The following VWA5A variants were observed in gnomAD, a reference collection of about 807,000 sequenced individuals.
VWA5A encodes von Willebrand factor A domain-containing protein 5A.
Under a neutral mutation model 84.6 loss-of-function variants are expected in VWA5A, and 77 were observed. The ratio of observed to expected loss-of-function variants is 0.91; its 90% CI spans 0.76 to 1.10. The LOEUF (loss-of-function observed/expected upper bound fraction) is 1.10, where lower values mean the gene tolerates loss of function less well. Ranked by LOEUF, VWA5A falls within the 50% of genes least tolerant of loss-of-function variation. VWA5A has a pLI of 0.00. For synonymous variants in VWA5A, 334 were observed against 350.1 expected, an observed-to-expected ratio of 0.95 and a Z score of 0.51; for missense variants, 973 against 963.0, an observed-to-expected ratio of 1.01 and a Z score of -0.14.
In VWA5A at chr11:124,123,796, C is replaced by T. The variant is rs779768366; in HGVS notation, c.1156C>T (p.Pro386Ser). The T allele has an allele frequency of 5.7e-6, 9 of 1,571,254 alleles. No individual in the cohort carries two copies. The highest frequency in any genetic ancestry group is 6.9e-6 in the Non-Finnish European group (8 of 1,163,820). The change falls in exon 10 of 19, where the codon CCC becomes TCC. Residue 386 changes from proline (P) to serine (S), a missense_variant. Transcript: ENST00000456829. ...IYRGPSIPGHPLQLFVFTDGE... is the reference protein window; with the variant it reads ...IYRGPSIPGHSLQLFVFTDGE... ...CAGGGGACCCTCCATCCCAGGCCAC[C>T]CCCTACAGGTAAGAAGTGGAACAGA...
chr11:124,136,953 T>G, intron 14 of VWA5A, 62 bp from the exon 15 acceptor site: 1 of 1,560,084 alleles, frequency 6.4e-7, no homozygotes, highest in Non-Finnish European at 8.6e-7. Flanking sequence ...TTAGGAGCCC[T>G]GAGAAACTGG....
At chr11:124,117,896 C>T (rs2137624526) in intron 4 of VWA5A, 21 bp downstream of exon 4, 1 of 1,613,042 alleles carries the variant, frequency 6.2e-7, no homozygotes, top group Admixed American at 1.7e-5. Context: ...TTACCTCCTC[C>T]CTTCTTATTA....
chr11:124,122,689 A>G (rs1212746822), intron 7 of VWA5A, among the ~76,000 whole-genome samples: 1 of 152,222 alleles, frequency 6.6e-6, no homozygotes, highest in Non-Finnish European at 1.5e-5. Flanking sequence ...GCTGCCAGGA[A>G]ACTAGTAATC....
intron 15 of VWA5A, among the ~76,000 whole-genome samples, chr11:124,137,794 C>T (rs1255634286): frequency 6.6e-6 from 1 of 152,188 alleles, no homozygotes; most frequent in Non-Finnish European, 1.5e-5. Flanking sequence ...TCCCAGTAAT[C>T]ACTTACCTAC....
In VWA5A at chr11:124,123,752, C is replaced by T. The variant is rs1055843183; in HGVS notation, c.1112C>T (p.Ala371Val). The change falls in exon 10 of 19, where the codon GCA becomes GTA. Residue 371 changes from alanine (A) to valine (V), a missense_variant. Coordinates refer to ENST00000456829, the MANE Select transcript of VWA5A (RefSeq NM_001130142.2). The part of the protein sequence containing the change: ...QADLGGTEIL[A>V]PLQNIYRGPS... ...GACCTAGGGGGCACTGAAATCTTGGCACCACTCCAGAACATTTACAGGGGA... is the reference window on the plus strand; with the variant it reads ...GACCTAGGGGGCACTGAAATCTTGGTACCACTCCAGAACATTTACAGGGGA... The T allele has an allele frequency of 6.2e-7, 1 of 1,609,482 alleles. No individual in the cohort carries two copies. The highest frequency in any genetic ancestry group is 8.5e-7 in the Non-Finnish European group (1 of 1,178,124).
intron 4 of VWA5A, 91 bp downstream of exon 4, chr11:124,117,966 A>G: frequency 6.8e-7 from 1 of 1,465,404 alleles, no homozygotes; most frequent in Non-Finnish European, 9.3e-7. Flanking sequence ...TACTAAATGT[A>G]CCTTCACAAA....
intron 11 of VWA5A, 50 bp downstream of exon 11, chr11:124,124,366 CAG>C: frequency 6.2e-7 from 1 of 1,603,038 alleles, no homozygotes; most frequent in Non-Finnish European, 8.5e-7. Context: ...TAGTGACACA[CAG>C]ACTCTAGTGC....
chr11:124,118,717 T>TGAGA lies in VWA5A; in HGVS notation c.645+12_645+15dup. The TGAGA allele has an allele frequency of 6.2e-7, 1 of 1,611,182 alleles. No individual in the cohort carries two copies. ...ACAAGACTTCTGCTCAGGTAGTTAA[T>TGAGA]GAGAGAATACTGCTATTGTCAGTAC... is the stretch of plus-strand genomic sequence containing the variant. On this transcript the variant is annotated intron_variant, in intron 6 of 18. Coordinates refer to ENST00000456829, the MANE Select transcript of VWA5A (RefSeq NM_001130142.2).
chr11:124,141,550 C>T, intron 15 of VWA5A, 48 bp from the exon 16 acceptor site: 1 of 1,605,364 alleles, frequency 6.2e-7, no homozygotes, highest in Non-Finnish European at 8.5e-7. Context: ...CCTTTGCCCA[C>T]TGCAGAGAGC....
chr11:124,123,724 G>A lies in VWA5A; in HGVS notation c.1084G>A (p.Ala362Thr). The A allele has an allele frequency of 6.2e-7, 1 of 1,613,404 alleles. No homozygotes were observed. Among genetic ancestry groups the A allele is most frequent in the Non-Finnish European group, 8.5e-7 (1 of 1,179,742 alleles). ...TCTGGGGAGAGTGAAGCTTATGCAG[G>A]CCGACCTAGGGGGCACTGAAATCTT... ...EALGRVKLMQ[A>T]DLGGTEILAP... Residue 362 changes from alanine to threonine, a missense_variant, in exon 10 of 19, where the codon GCC becomes ACC. Transcript: ENST00000456829.
chr11:124,125,472 A>C (rs1437181219), intron 11 of VWA5A, among the ~76,000 whole-genome samples: 1 of 151,988 alleles, frequency 6.6e-6, no homozygotes, highest in Non-Finnish European at 1.5e-5. Context: ...TTTAGTAGAG[A>C]TGGGGTTTCA....
In VWA5A at chr11:124,119,958, A is replaced by G. The variant is rs567188349; in HGVS notation, c.760+869A>G. ...CTTTTTTATCTAATACATAATTTCT[A>G]TTGATTGATTCATCACAGCTACATG... On this transcript the variant is annotated intron_variant, in intron 7 of 18. Coordinates refer to ENST00000456829, the MANE Select transcript of VWA5A (RefSeq NM_001130142.2). Among the ~76,000 whole-genome samples the G allele has an allele frequency of 1.5e-3, 231 of 152,302 alleles. 1 individual carries two copies. The highest frequency in any genetic ancestry group is 5.2e-3 in the African/African-American group (218 of 41,558).
chr11:124,139,622 G>A (rs1221095378), intron 15 of VWA5A, among the ~76,000 whole-genome samples: 1 of 151,188 alleles, frequency 6.6e-6, no homozygotes, highest in East Asian at 1.9e-4. Context: ...AAACACTAAT[G>A]ACTTTTGTAT....
At position 124,137,000 on chromosome 11, in the gene VWA5A, T is replaced by A; in HGVS notation, c.1626-15T>A. ...CTTTCCCTACATTTCAGTACTTTTT[T>A]TTTTTTCCTTTCAGCCTCACCATTC... On this transcript the variant is annotated splice_polypyrimidine_tract_variant and intron_variant, in intron 14 of 18. Coordinates refer to ENST00000456829, the MANE Select transcript of VWA5A (RefSeq NM_001130142.2). The A allele has an allele frequency of 6.2e-7, 1 of 1,603,332 alleles. No individual in the cohort carries two copies. Among genetic ancestry groups the A allele is most frequent in the African/African-American group, 1.4e-5 (1 of 73,988 alleles).
At chr11:124,128,085 C>G (rs1032968625) in intron 11 of VWA5A, among the ~76,000 whole-genome samples, 1 of 152,102 alleles carries the variant, frequency 6.6e-6, no homozygotes, top group Middle Eastern at 3.2e-3. Flanking sequence ...GAAGTATTTG[C>G]CCATGCCTAT....
At chr11:124,145,783 A>C in intron 18 of VWA5A, 83 bp from the exon 19 acceptor site, 1 of 1,395,106 alleles carries the variant, frequency 7.2e-7, no homozygotes, top group South Asian at 1.3e-5. Context: ...TAAAAGCACA[A>C]CTCAGGGTAG....
At chr11:124,121,383 T>C (rs1237121818) in intron 7 of VWA5A, among the ~76,000 whole-genome samples, 1 of 152,152 alleles carries the variant, frequency 6.6e-6, no homozygotes, top group Non-Finnish European at 1.5e-5. Flanking sequence ...ATCAAGCTTG[T>C]TCAACTCATG....
In VWA5A at chr11:124,146,129, C is replaced by A; in HGVS notation, c.*184C>A. ...ACTTTGGATATGATCTTTCTTTTCCCAACATATGCCCTCAGAAAAGTGACA... is the reference window on the plus strand; with the variant it reads ...ACTTTGGATATGATCTTTCTTTTCCAAACATATGCCCTCAGAAAAGTGACA... On this transcript the variant is annotated 3_prime_UTR_variant, in exon 19 of 19. Coordinates refer to ENST00000456829, the MANE Select transcript of VWA5A (RefSeq NM_001130142.2). The A allele has an allele frequency of 1.8e-6, 1 of 567,534 alleles. No individual in the cohort carries two copies. Among genetic ancestry groups the A allele is most frequent in the Non-Finnish European group, 3.0e-6 (1 of 332,834 alleles). The allele number at this position is 567,534 out of a possible 1,614,324, so 35.2% of individuals were successfully genotyped here. A position where few individuals can be genotyped will look rare whatever the true frequency, so the allele number is the denominator to read the frequency against.
Position 124,118,181 on chromosome 11 carries a change from C to A in VWA5A, c.247-8C>A. 1 of 1,612,358 alleles carries A rather than the reference C, an allele frequency of 6.2e-7. No homozygotes were observed. Among genetic ancestry groups the A allele is most frequent in the Non-Finnish European group, 8.5e-7 (1 of 1,179,166 alleles). Reference sequence around the variant, plus strand: ...TTTCTTTCCCATCCCTCGCCCTGTGCTTCTCAGGCCCGCACCAACTATGAG... The same window carrying A: ...TTTCTTTCCCATCCCTCGCCCTGTGATTCTCAGGCCCGCACCAACTATGAG... On this transcript the variant is annotated splice_region_variant and splice_polypyrimidine_tract_variant and intron_variant, in intron 4 of 18. Coordinates refer to ENST00000456829, the MANE Select transcript of VWA5A (RefSeq NM_001130142.2).
Sources: gnomAD v4.1 joint callset for allele counts (sites outside exome capture counted in the v4.1 genomes callset) on GRCh38, gnomAD v4.1.1 for gene constraint, MANE v1.5 for transcripts, NCBI Gene and HGNC (gene_info 2026-07-23, HGNC 2026-07-21) for gene names.